LINGO2: variants seen among roughly 807,000 people sequenced by gnomAD.
LINGO2 encodes the protein leucine-rich repeat and immunoglobulin-like domain-containing nogo receptor-interacting protein 2.
LINGO2 carries 14 observed loss-of-function variants against 30.6 expected under a neutral mutation model. The ratio of observed to expected loss-of-function variants is 0.46; its 90% CI spans 0.30 to 0.72. LINGO2 has a LOEUF of 0.72. LINGO2 is among the 30% of genes least tolerant of loss of function. LINGO2 has a pLI of 0.07. For synonymous variants in LINGO2, 317 were observed against 288.5 expected, an observed-to-expected ratio of 1.10 and a Z score of -1.00; for missense variants, 729 against 751.7, an observed-to-expected ratio of 0.97 and a Z score of 0.35.
chr9:27,999,092 A>T (rs371835111), intron 5 of LINGO2, among the ~76,000 whole-genome samples: 1 of 152,112 alleles, frequency 6.6e-6, no homozygotes, highest in East Asian at 1.9e-4. Context: ...TAGACCCTAA[A>T]CTAAAATAAT....
chr9:28,933,552 C>A, the LINGO2 span, among the ~76,000 whole-genome samples: 1 of 151,866 alleles, frequency 6.6e-6, no homozygotes, highest in African/African-American at 2.4e-5. Flanking sequence ...GATGGGAGTA[C>A]AGGGTAGCTC....
chr9:28,795,088 C>T, the LINGO2 span, among the ~76,000 whole-genome samples: 1 of 152,050 alleles, frequency 6.6e-6, no homozygotes, highest in Non-Finnish European at 1.5e-5. Flanking sequence ...CCACCTCGGC[C>T]TTCCCATAGT....
chr9:29,194,979 G>C, the LINGO2 span, among the ~76,000 whole-genome samples: 1 of 152,078 alleles, frequency 6.6e-6, no homozygotes, highest in South Asian at 2.1e-4. Context: ...TCCAGATACA[G>C]AACAGCTCCA....
chr9:28,703,763 G>T, the LINGO2 span, among the ~76,000 whole-genome samples: 1 of 151,602 alleles, frequency 6.6e-6, no homozygotes, highest in Non-Finnish European at 1.5e-5. Context: ...CCTAGAATTT[G>T]TAGTATACAG....
chr9:29,171,821 A>G, the LINGO2 span, among the ~76,000 whole-genome samples: 1 of 152,072 alleles, frequency 6.6e-6, no homozygotes, highest in East Asian at 1.9e-4. Flanking sequence ...ACAAAGATAC[A>G]TATGACTAGA....
chr9:28,028,786 G>A (rs933022876), intron 4 of LINGO2, among the ~76,000 whole-genome samples: 6 of 152,038 alleles, frequency 3.9e-5, no homozygotes, highest in African/African-American at 1.2e-4. Flanking sequence ...GCAGTTGGTT[G>A]AATCCATGGA....
chr9:28,980,588 C>G, the LINGO2 span, among the ~76,000 whole-genome samples: 5 of 152,154 alleles, frequency 3.3e-5, no homozygotes, highest in Non-Finnish European at 7.4e-5. Context: ...GAAACACATG[C>G]GCCTCCAGGC....
the LINGO2 span, among the ~76,000 whole-genome samples, chr9:28,837,321 G>A: frequency 6.6e-6 from 1 of 151,948 alleles, no homozygotes; most frequent in Admixed American, 6.6e-5. Context: ...GAATGGGACT[G>A]GTTTCCTAAT....
chr9:28,774,520 G>A, the LINGO2 span, among the ~76,000 whole-genome samples: 1 of 151,876 alleles, frequency 6.6e-6, no homozygotes, highest in Non-Finnish European at 1.5e-5. Context: ...AATGTGATTG[G>A]TATATTCTCA....
At chr9:28,449,056 T>C (rs987917675) in intron 2 of LINGO2, among the ~76,000 whole-genome samples, 5 of 151,578 alleles carry the variant, frequency 3.3e-5, no homozygotes, top group Non-Finnish European at 7.4e-5. Flanking sequence ...TGTGTGTGTG[T>C]GTGTGTGTGT....
chr9:28,804,351 T>A, the LINGO2 span, among the ~76,000 whole-genome samples: 3 of 152,104 alleles, frequency 2.0e-5, no homozygotes, highest in Non-Finnish European at 4.4e-5. Flanking sequence ...TAGAAATTCC[T>A]GCAAGTGAAG....
chr9:28,264,223 C>T (rs915974915), intron 4 of LINGO2, among the ~76,000 whole-genome samples: 4 of 151,736 alleles, frequency 2.6e-5, no homozygotes, highest in East Asian at 1.9e-4. Context: ...TCATATTTTT[C>T]GCTACGCCCT....
the LINGO2 span, among the ~76,000 whole-genome samples, chr9:28,846,316 G>A: frequency 9.2e-5 from 14 of 151,508 alleles, no homozygotes; most frequent in Non-Finnish European, 1.3e-4. Context: ...TGCCCTGTTC[G>A]AGCCCATCAT....
chr9:28,986,968 G>A, the LINGO2 span, among the ~76,000 whole-genome samples: 1 of 150,400 alleles, frequency 6.6e-6, no homozygotes. Context: ...TTACTCTCTT[G>A]ATTTCTTTTT....
intron 4 of LINGO2, among the ~76,000 whole-genome samples, chr9:28,222,544 A>C (rs1362615789): frequency 6.6e-6 from 1 of 152,094 alleles, no homozygotes; most frequent in Non-Finnish European, 1.5e-5. Flanking sequence ...AAAAAAAGTC[A>C]GCATTACCTT....
intron 1 of LINGO2, among the ~76,000 whole-genome samples, chr9:28,616,394 G>C (rs561154491): frequency 6.6e-6 from 1 of 152,046 alleles, no homozygotes; most frequent in African/African-American, 2.4e-5. Flanking sequence ...GAGCTATATA[G>C]CTGACCCACA....
the LINGO2 span, among the ~76,000 whole-genome samples, chr9:28,676,946 TTTAAA>T: frequency 2.0e-5 from 3 of 152,172 alleles, no homozygotes; most frequent in African/African-American, 7.2e-5. Context: ...ACTCTATCTC[TTTAAA>T]TTACACACAA....
the LINGO2 span, among the ~76,000 whole-genome samples, chr9:29,020,284 C>A: frequency 6.6e-6 from 1 of 152,096 alleles, no homozygotes; most frequent in Non-Finnish European, 1.5e-5. Context: ...CAGGCAAAAA[C>A]CAAACACGAT....
At chr9:28,453,101 A>T (rs1406032530) in intron 2 of LINGO2, among the ~76,000 whole-genome samples, 1 of 151,938 alleles carries the variant, frequency 6.6e-6, no homozygotes, top group East Asian at 1.9e-4. Flanking sequence ...GGCAATATAT[A>T]ATGTACCATA....
Sources: gnomAD v4.1 joint callset for allele counts (sites outside exome capture counted in the v4.1 genomes callset) on GRCh38, gnomAD v4.1.1 for gene constraint, MANE v1.5 for transcripts, NCBI Gene and HGNC (gene_info 2026-07-23, HGNC 2026-07-21) for gene names.